Variants in WASHC2A observed in about 807,000 individuals in gnomAD.
WASHC2A encodes the protein WASH complex subunit FAM21A.
Under a neutral mutation model 140.3 loss-of-function variants are expected in WASHC2A, and 82 were observed. The observed-to-expected ratio is 0.58, with a 90% CI of 0.49 to 0.70. The LOEUF (loss-of-function observed/expected upper bound fraction) is 0.70, where lower values mean the gene tolerates loss of function less well. Among genes scored for constraint, WASHC2A ranks in the 30% least tolerant of loss-of-function variants. The probability of loss-of-function intolerance (pLI) is 0.00; values close to 1 mark genes in which losing one functional copy is unlikely to be tolerated. For synonymous variants in WASHC2A, 340 were observed against 560.8 expected, an observed-to-expected ratio of 0.61 and a Z score of 5.56; for missense variants, 985 against 1,521.8, an observed-to-expected ratio of 0.65 and a Z score of 5.87.
In WASHC2A at chr10:50,095,617, G is replaced by T. The variant is rs1455989221; in HGVS notation, c.1259G>T (p.Gly420Val). The T allele has an allele frequency of 1.9e-6, 3 of 1,611,892 alleles. No homozygotes were observed. In the African/African-American group the frequency reaches 4.0e-5, roughly 22 times the overall value. ...SVFLGDTDVF[G>V]AASVPSMKEP... ...CCCACAGGAGACACGGATGTGTTTG[G>T]TGCTGCCTCCGTTCCATCAATGAAG... The change falls in exon 15 of 31, where the codon GGT becomes GTT. Residue 420 changes from glycine (G) to valine (V), a missense_variant. Gly to Val is a moderately radical substitution (Grantham distance 109). Transcript: ENST00000282633.
chr10:50,094,524 T>G (rs1840260063), intron 13 of WASHC2A, among the ~76,000 whole-genome samples: 1 of 152,218 alleles, frequency 6.6e-6, no homozygotes, highest in African/African-American at 2.4e-5. Context: ...CCTACAAATG[T>G]TACTCCATAG....
At chr10:50,098,426 C>T (rs1840716931) in intron 16 of WASHC2A, among the ~76,000 whole-genome samples, 1 of 140,454 alleles carries the variant, frequency 7.1e-6, no homozygotes, top group African/African-American at 2.6e-5. Flanking sequence ...AGATCCCTCA[C>T]ATGCACAGTT....
At chr10:50,090,560 T>C (rs1210287736) in intron 8 of WASHC2A, among the ~76,000 whole-genome samples, 8 of 124,914 alleles carry the variant, frequency 6.4e-5, no homozygotes, top group Non-Finnish European at 1.3e-4. Flanking sequence ...ATTTATATTT[T>C]ATATATATTT....
At chr10:50,125,612 A>G (rs1275015931) in intron 25 of WASHC2A, among the ~76,000 whole-genome samples, 163 bp downstream of exon 25, 1 of 152,224 alleles carries the variant, frequency 6.6e-6, no homozygotes, top group Non-Finnish European at 1.5e-5. Context: ...GGAGGATGCA[A>G]TGCTTAGTTT....
At chr10:50,070,534 C>G (rs1554875834) in intron 3 of WASHC2A, among the ~76,000 whole-genome samples, 1 of 151,554 alleles carries the variant, frequency 6.6e-6, no homozygotes, top group African/African-American at 2.4e-5. Context: ...TTAAAAAGCC[C>G]AAGATTTAGA....
Position 50,069,625 on chromosome 10 carries a change from A to T in WASHC2A, c.205A>T (p.Ile69Phe). The T allele has an allele frequency of 6.2e-7, 1 of 1,614,004 alleles. No homozygotes were observed. The highest frequency in any genetic ancestry group is 8.5e-7 in the Non-Finnish European group (1 of 1,179,868). The change falls in exon 3 of 31, where the codon ATT becomes TTT. Residue 69 changes from isoleucine (I) to phenylalanine (F), a missense_variant. Ile to Phe is a conservative substitution (Grantham distance 21). Transcript: ENST00000282633. The stretch of plus-strand genomic sequence containing the variant: ...AATCAAGAAACAAGTGGACGGACTA[A>T]TTCGGGAAACCAAAGCCACAGATTG... ...HEIKKQVDGL[I>F]RETKATDCRL...
chr10:50,117,442 TGAGTA>T (rs1161976000), intron 21 of WASHC2A, among the ~76,000 whole-genome samples: 1 of 63,846 alleles, frequency 1.6e-5, no homozygotes, highest in Non-Finnish European at 3.3e-5. Flanking sequence ...GAGATGCATA[TGAGTA>T]GAGGGATAGA....
intron 9 of WASHC2A, 95 bp downstream of exon 9, chr10:50,090,981 T>TGTG: frequency 7.3e-7 from 1 of 1,360,814 alleles, no homozygotes; most frequent in Admixed American, 2.0e-5. Flanking sequence ...ATCACTCATT[T>TGTG]TGGCATATTT....
chr10:50,090,512 A>AG (rs1839797363), intron 8 of WASHC2A, among the ~76,000 whole-genome samples: 1 of 115,666 alleles, frequency 8.6e-6, no homozygotes, highest in South Asian at 2.8e-4. Context: ...CAAAAAAAAA[A>AG]AAAATATATA....
chr10:50,129,365 C>A, intron 28 of WASHC2A, 54 bp from the exon 29 acceptor site: 1 of 1,611,976 alleles, frequency 6.2e-7, no homozygotes, highest in Non-Finnish European at 8.5e-7. Flanking sequence ...GCCATGGTAG[C>A]TTTGAACACT....
intron 18 of WASHC2A, 146 bp downstream of exon 18, chr10:50,104,289 T>C: frequency 1.6e-6 from 1 of 618,846 alleles, no homozygotes; most frequent in East Asian, 2.7e-5. Flanking sequence ...AAAATATTTC[T>C]GTTTTTATTT....
intron 20 of WASHC2A, 47 bp downstream of exon 20, chr10:50,110,317 C>T: frequency 3.1e-6 from 5 of 1,606,502 alleles, no homozygotes; most frequent in Non-Finnish European, 4.3e-6. Context: ...ACCGTGGTAA[C>T]AAGAAAAGGA....
chr10:50,083,699 G>A lies in WASHC2A; in HGVS notation c.529-373G>A, dbSNP rs560661248. Among the ~76,000 whole-genome samples, 307 of 113,646 alleles carry A rather than the reference G, an allele frequency of 2.7e-3. 51 individuals are homozygous for A. Among genetic ancestry groups the A allele is most frequent in the African/African-American group, 0.011 (297 of 26,814 alleles). 74.6% of individuals were successfully genotyped at this position (113,646 alleles called of 152,430 possible). Reference sequence around the variant, plus strand: ...AGCCGCCCGAGTAGCTAGGATGACAGTTACCCGCCACCATGTCCCGCTAAT... The same window carrying A: ...AGCCGCCCGAGTAGCTAGGATGACAATTACCCGCCACCATGTCCCGCTAAT... On this transcript the variant is annotated intron_variant, in intron 5 of 30. Coordinates refer to ENST00000282633, the MANE Select transcript of WASHC2A (RefSeq NM_001005751.3).
chr10:50,078,569 A>G (rs1237057489), intron 3 of WASHC2A, 106 bp from the exon 4 acceptor site: 138 of 1,610,400 alleles, frequency 8.6e-5, no homozygotes, highest in Non-Finnish European at 1.1e-4. Context: ...CTGAATAACC[A>G]TTTCCTTCCC....
chr10:50,103,159 T>C (rs1289206365), intron 17 of WASHC2A, among the ~76,000 whole-genome samples: 2 of 151,906 alleles, frequency 1.3e-5, no homozygotes, highest in African/African-American at 4.8e-5. Flanking sequence ...TGAAAGTTTC[T>C]TTAGAATCTA....
intron 3 of WASHC2A, among the ~76,000 whole-genome samples, chr10:50,072,939 G>A (rs1333955046): frequency 6.6e-6 from 1 of 152,064 alleles, no homozygotes; most frequent in African/African-American, 2.4e-5. Flanking sequence ...TTAGCCTCAG[G>A]GGCAGCCACA....
In WASHC2A at chr10:50,092,172, A is replaced by T. The variant is rs1236406488; in HGVS notation, c.942A>T (p.Ser314=). 1.9e-5 allele frequency: 31 copies of T among 1,591,066 alleles called. No homozygotes were observed. Among genetic ancestry groups the T allele is most frequent in the Non-Finnish European group, 2.3e-5 (27 of 1,165,254 alleles). The part of the protein sequence containing the change: ...RVDEEPTTLP[S]GEAKPRKTLK... ...GAACTGTTCTTCAAGCCTTACCCTC[A>T]GGAGAAGCAAAACCTCGGAAGACAC... Residue 314 remains serine (S), a synonymous_variant, in exon 11 of 31, where the codon TCA becomes TCT. Transcript: ENST00000282633.
chr10:50,086,843 T>C (rs377585980), intron 7 of WASHC2A, among the ~76,000 whole-genome samples: 1 of 124,428 alleles, frequency 8.0e-6, no homozygotes, highest in Non-Finnish European at 1.7e-5. Context: ...TCCAGTCTAT[T>C]ATTGTTGGAC....
chr10:50,113,616 C>G (rs1287192839), intron 20 of WASHC2A, among the ~76,000 whole-genome samples: 3 of 148,968 alleles, frequency 2.0e-5, no homozygotes, highest in African/African-American at 7.4e-5. Context: ...CATCGTGTGC[C>G]TTGCAGCGGT....
Sources: allele counts gnomAD v4.1 joint callset (sites outside exome capture counted in the v4.1 genomes callset), GRCh38; gene constraint gnomAD v4.1.1; transcripts MANE v1.5; gene names NCBI Gene and HGNC (gene_info 2026-07-23, HGNC 2026-07-21).